Variants in STXBP5 observed in about 807,000 individuals in gnomAD.
STXBP5 encodes the protein syntaxin-binding protein 5.
Under a neutral mutation model 152.4 loss-of-function variants are expected in STXBP5, and 50 were observed. The ratio of observed to expected loss-of-function variants is 0.33; its 90% CI spans 0.26 to 0.42. The LOEUF is 0.42. Ranked by LOEUF, STXBP5 falls within the 10% of genes least tolerant of loss-of-function variation. The pLI is 1.00. For synonymous variants in STXBP5, 492 were observed against 494.7 expected (o/e 0.99, Z 0.07); for missense variants, 1,167 against 1,388.6 (o/e 0.84, Z 2.54).
intron 19 of STXBP5, 57 bp from the exon 20 acceptor site, chr6:147,339,122 G>T (rs957608019): frequency 2.2e-6 from 3 of 1,394,070 alleles, no homozygotes; most frequent in Non-Finnish European, 2.9e-6. Flanking sequence ...TCTTGTTACA[G>T]CTCAGTATTT....
At chr6:147,369,733 T>A (rs1396399525) in intron 25 of STXBP5, among the ~76,000 whole-genome samples, 2 of 152,036 alleles carry the variant, frequency 1.3e-5, no homozygotes, top group African/African-American at 4.8e-5. Context: ...CACAGTGAGA[T>A]ACCATTAAAC....
intron 7 of STXBP5, among the ~76,000 whole-genome samples, chr6:147,270,181 G>C (rs369139334): frequency 6.6e-6 from 1 of 151,952 alleles, no homozygotes; most frequent in Non-Finnish European, 1.5e-5. Context: ...GGCAGATCAC[G>C]AGGTCAGGAG....
intron 4 of STXBP5, among the ~76,000 whole-genome samples, chr6:147,251,015 C>T (rs1299827217): frequency 7.5e-6 from 1 of 132,502 alleles, no homozygotes; most frequent in Admixed American, 7.7e-5. Flanking sequence ...AGAATAGAAA[C>T]AGCTCCAATC....
At chr6:147,215,432 G>T (rs991831856) in intron 2 of STXBP5, among the ~76,000 whole-genome samples, 8 of 152,164 alleles carry the variant, frequency 5.3e-5, no homozygotes, top group African/African-American at 1.9e-4. Flanking sequence ...CCCAGGTGGA[G>T]TATAGTGGTG....
intron 4 of STXBP5, among the ~76,000 whole-genome samples, chr6:147,253,380 C>T (rs1032176361): frequency 6.6e-6 from 1 of 152,174 alleles, no homozygotes; most frequent in Admixed American, 6.5e-5. Context: ...GAAGCATTCC[C>T]TTTGAAAACC....
Position 147,389,231 on chromosome 6 carries a change from A to G in STXBP5, c.*4476A>G, listed in dbSNP as rs945255423. ...TTTTCCTGTGAATATTAATGATTTTACTACTGCCTCCGAAGTTTTAAAAAA... is the reference window on the plus strand; with the variant it reads ...TTTTCCTGTGAATATTAATGATTTTGCTACTGCCTCCGAAGTTTTAAAAAA... On this transcript the variant is annotated 3_prime_UTR_variant, in exon 28 of 28. Transcript: ENST00000321680. 5.9e-5 allele frequency: 9 copies of G among 151,740 alleles called. No individual in the cohort carries two copies. Among genetic ancestry groups the G allele is most frequent in the Non-Finnish European group, 1.3e-4 (9 of 67,720 alleles). The allele number at this position is 151,740 out of a possible 1,614,324, so 9.4% of individuals were successfully genotyped here.
intron 4 of STXBP5, among the ~76,000 whole-genome samples, chr6:147,243,059 AC>A (rs1356340422): frequency 1.3e-5 from 2 of 152,100 alleles, no homozygotes; most frequent in African/African-American, 4.8e-5. Context: ...ATAAATATTC[AC>A]ATGCAGTTTT....
chr6:147,232,762 A>G (rs1778068139), intron 2 of STXBP5, among the ~76,000 whole-genome samples: 1 of 151,854 alleles, frequency 6.6e-6, no homozygotes, highest in Non-Finnish European at 1.5e-5. Flanking sequence ...TTGTTTATTA[A>G]GAAATTATTT....
chr6:147,327,860 T>A (rs2128387285), intron 18 of STXBP5, among the ~76,000 whole-genome samples: 1 of 152,366 alleles, frequency 6.6e-6, no homozygotes, highest in South Asian at 2.1e-4. Context: ...TAAAAAAAGT[T>A]ACTTTGTAAG....
At chr6:147,367,504 G>A (rs1464715209) in intron 25 of STXBP5, among the ~76,000 whole-genome samples, 3 of 152,134 alleles carry the variant, frequency 2.0e-5, no homozygotes, top group South Asian at 4.1e-4. Context: ...CGGGCGTGGT[G>A]GTGGGTGCCT....
At chr6:147,253,167 A>G (rs781396884) in intron 4 of STXBP5, among the ~76,000 whole-genome samples, 3 of 152,218 alleles carry the variant, frequency 2.0e-5, no homozygotes, top group Non-Finnish European at 4.4e-5. Context: ...TACGCAAATC[A>G]ATAAAAGTAA....
intron 22 of STXBP5, among the ~76,000 whole-genome samples, chr6:147,357,113 A>G (rs555269345): frequency 3.3e-5 from 5 of 152,284 alleles, no homozygotes; most frequent in African/African-American, 9.6e-5. Flanking sequence ...GAGAAAAGTC[A>G]GAAATAACTA....
chr6:147,382,671 A>G (rs1398779168), intron 26 of STXBP5, 107 bp from the exon 27 acceptor site: 1 of 1,075,022 alleles, frequency 9.3e-7, no homozygotes, highest in Non-Finnish European at 1.4e-6. Context: ...ATTTTATTTC[A>G]GTTGTATTAC....
At chr6:147,313,521 T>C (rs1416571282) in intron 11 of STXBP5, among the ~76,000 whole-genome samples, 1 of 152,200 alleles carries the variant, frequency 6.6e-6, no homozygotes, top group Non-Finnish European at 1.5e-5. Flanking sequence ...GGATGAGGTA[T>C]GTGTTATTCC....
Position 147,389,557 on chromosome 6 carries a change from A to G in STXBP5, c.*4802A>G, listed in dbSNP as rs2128426714. The G allele has an allele frequency of 6.6e-6, 1 of 151,988 alleles. No homozygotes were observed. The allele number at this position is 151,988 out of a possible 1,614,324, so 9.4% of individuals were successfully genotyped here. ...TTGCCAGTATTTTACAATGAGGCTT[A>G]TCGTTTAAAATTTTATAGTGTATGA... is the stretch of plus-strand genomic sequence containing the variant. On this transcript the variant is annotated 3_prime_UTR_variant, in exon 28 of 28. Coordinates refer to ENST00000321680, the MANE Select transcript of STXBP5 (RefSeq NM_001127715.4).
chr6:147,324,565 C>CA (rs1304394417), intron 16 of STXBP5, among the ~76,000 whole-genome samples: 2 of 151,998 alleles, frequency 1.3e-5, no homozygotes, highest in Non-Finnish European at 2.9e-5. Flanking sequence ...CCACTGCACC[C>CA]AGCCATTTTT....
In STXBP5 at chr6:147,205,991, C is replaced by T; in HGVS notation, c.171C>T (p.Pro57=). Residue 57 remains proline (P), a synonymous_variant, in exon 2 of 28, where the codon CCC becomes CCT. Coordinates refer to ENST00000321680, the MANE Select transcript of STXBP5 (RefSeq NM_001127715.4). The part of the protein sequence containing the change: ...QLCKTVRHGF[P]YQPSALAFDP... ...CCTAGACTGTTCGCCATGGATTTCC[C>T]TATCAACCCTCAGCCCTGGCCTTTG... The T allele has an allele frequency of 6.2e-7, 1 of 1,614,134 alleles. No individual in the cohort carries two copies. Among genetic ancestry groups the T allele is most frequent in the East Asian group, 2.2e-5 (1 of 44,866 alleles).
chr6:147,212,873 A>G (rs1176179113), intron 2 of STXBP5, among the ~76,000 whole-genome samples: 1 of 152,220 alleles, frequency 6.6e-6, no homozygotes, highest in Non-Finnish European at 1.5e-5. Flanking sequence ...TTTTCTGTGT[A>G]TAACAGATAA....
intron 2 of STXBP5, among the ~76,000 whole-genome samples, chr6:147,212,248 T>A (rs1776894473): frequency 6.6e-6 from 1 of 152,194 alleles, no homozygotes; most frequent in Non-Finnish European, 1.5e-5. Flanking sequence ...ATATGTTAAC[T>A]ATTGGAGATT....
Sources: allele counts gnomAD v4.1 joint callset (sites outside exome capture counted in the v4.1 genomes callset), GRCh38; gene constraint gnomAD v4.1.1; transcripts MANE v1.5; gene names NCBI Gene and HGNC (gene_info 2026-07-23, HGNC 2026-07-21).